The following FGF12 variants were observed in gnomAD, a reference collection of about 807,000 sequenced individuals.
FGF12 encodes fibroblast growth factor 12.
A neutral mutation model predicts 23.6 loss-of-function variants in FGF12; 14 were observed. The ratio of observed to expected loss-of-function variants is 0.59; its 90% CI spans 0.39 to 0.93. The LOEUF is 0.93. Ranked by LOEUF, FGF12 falls within the 40% of genes least tolerant of loss-of-function variation. The pLI is 0.00. For synonymous variants in FGF12, 62 were observed against 77.3 expected, an observed-to-expected ratio of 0.80 and a Z score of 1.04; for missense variants, 175 against 217.8, an observed-to-expected ratio of 0.80 and a Z score of 1.24.
intron 2 of FGF12, among the ~76,000 whole-genome samples, chr3:192,415,441 T>C (rs1721318274): frequency 6.6e-6 from 1 of 152,104 alleles, no homozygotes; most frequent in Non-Finnish European, 1.5e-5. Context: ...AATTAATTCA[T>C]CAATCCATCC....
chr3:192,591,799 C>T (rs755306768), intron 2 of FGF12, among the ~76,000 whole-genome samples: 4 of 151,764 alleles, frequency 2.6e-5, no homozygotes, highest in Admixed American at 1.3e-4. Context: ...AAGCCCTTCA[C>T]GTTATAGATG....
rs376003324 is a variant in FGF12 at position 192,147,594 on chromosome 3, T to A, written c.428-3467A>T. ...TCAGAGTATTCAAAGCAATTTTAAATTGATTAACTAAATTTTACAATTATA... is the reference window on the plus strand; with the variant it reads ...TCAGAGTATTCAAAGCAATTTTAAAATGATTAACTAAATTTTACAATTATA... On this transcript the variant is annotated intron_variant, in intron 5 of 5. Transcript: ENST00000445105. 1.2e-3 allele frequency among the ~76,000 whole-genome samples: 181 copies of A among 152,308 alleles called. 1 individual carries two copies. Among genetic ancestry groups the A allele is most frequent in the African/African-American group, 4.3e-3 (178 of 41,568 alleles).
intron 3 of FGF12, among the ~76,000 whole-genome samples, chr3:192,347,182 T>G (rs956692091): frequency 6.6e-6 from 1 of 152,126 alleles, no homozygotes; most frequent in African/African-American, 2.4e-5. Flanking sequence ...TGAAAACAAT[T>G]TAATATTCAA....
chr3:192,718,319 T>A (rs766027041), intron 2 of FGF12, among the ~76,000 whole-genome samples: 11 of 151,972 alleles, frequency 7.2e-5, no homozygotes, highest in Admixed American at 1.3e-4. Context: ...AGAAAAGACG[T>A]TATAAAAACA....
At position 192,354,897 on chromosome 3, in the gene FGF12, C is replaced by T. The variant is rs372765782; in HGVS notation, c.124+5531G>A. On this transcript the variant is annotated intron_variant, in intron 3 of 5. Transcript: ENST00000445105. ...ATTTTTCTTGTATTTTTAGTAGAGA[C>T]GGGTTTTCACCATGCTGGCCATAGC... 1.4e-4 allele frequency among the ~76,000 whole-genome samples: 22 copies of T among 152,180 alleles called. No homozygotes were observed. In the East Asian group the frequency reaches 3.1e-3, roughly 21 times the overall value.
intron 2 of FGF12, among the ~76,000 whole-genome samples, chr3:192,486,382 T>C (rs1228856137): frequency 6.6e-6 from 1 of 151,990 alleles, no homozygotes; most frequent in Non-Finnish European, 1.5e-5. Flanking sequence ...GACCAGTTGG[T>C]ATTAAATAAT....
At chr3:192,240,716 T>C (rs1719572622) in intron 4 of FGF12, among the ~76,000 whole-genome samples, 1 of 152,216 alleles carries the variant, frequency 6.6e-6, no homozygotes, top group Non-Finnish European at 1.5e-5. Context: ...AATATCTTGG[T>C]CTGATATTTT....
intron 2 of FGF12, among the ~76,000 whole-genome samples, chr3:192,687,254 T>G (rs1198866870): frequency 6.8e-6 from 1 of 147,952 alleles, no homozygotes; most frequent in Admixed American, 6.7e-5. Flanking sequence ...GGAAGCAGGG[T>G]GGAGACAGTC....
intron 2 of FGF12, among the ~76,000 whole-genome samples, chr3:192,582,955 T>C (rs760262171): frequency 5.3e-5 from 8 of 152,164 alleles, no homozygotes; most frequent in Admixed American, 1.3e-4. Context: ...GCTCATTTTG[T>C]TCCTCCTTCC....
chr3:192,666,983 C>G (rs748071570), intron 2 of FGF12, among the ~76,000 whole-genome samples: 15 of 151,944 alleles, frequency 9.9e-5, no homozygotes, highest in Non-Finnish European at 1.6e-4. Flanking sequence ...ATAATATAAT[C>G]TTCACCCAAA....
intron 2 of FGF12, among the ~76,000 whole-genome samples, chr3:192,691,438 G>A (rs538541006): frequency 6.6e-6 from 1 of 151,900 alleles, no homozygotes; most frequent in Admixed American, 6.6e-5. Context: ...CTAAACAACC[G>A]ATGAGTCAAA....
intron 2 of FGF12, among the ~76,000 whole-genome samples, chr3:192,538,619 G>A (rs1725291477): frequency 1.3e-5 from 2 of 151,972 alleles, no homozygotes; most frequent in South Asian, 4.2e-4. Flanking sequence ...TTTTTCCTGG[G>A]TCTTTTGCAG....
intron 2 of FGF12, among the ~76,000 whole-genome samples, chr3:192,378,090 C>CTTTCTTTCTT: frequency 9.0e-6 from 1 of 110,812 alleles, no homozygotes; most frequent in Non-Finnish European, 1.7e-5. Context: ...TTCTTTCTTT[C>CTTTCTTTCTT]TTTCTTCTTT....
chr3:192,384,651 TATACAC>T (rs1277510483), intron 2 of FGF12, among the ~76,000 whole-genome samples: 1 of 152,184 alleles, frequency 6.6e-6, no homozygotes, highest in African/African-American at 2.4e-5. Flanking sequence ...AAAAAATACT[TATACAC>T]ATACACACGC....
At position 192,689,248 on chromosome 3, in the gene FGF12, A is replaced by T. The variant is rs189242155; in HGVS notation, c.13+37933T>A. On this transcript the variant is annotated intron_variant, in intron 2 of 5. Transcript: ENST00000445105. ...GGAAGGGAGAATTTGAAATGTTCCCAACACATAGAAATGATAAATACTTAA... is the reference window on the plus strand; with the variant it reads ...GGAAGGGAGAATTTGAAATGTTCCCTACACATAGAAATGATAAATACTTAA... 3.3e-5 allele frequency among the ~76,000 whole-genome samples: 5 copies of T among 152,292 alleles called. No individual in the cohort carries two copies. The East Asian group carries it at 9.6e-4, about 29-fold the overall frequency.
intron 2 of FGF12, among the ~76,000 whole-genome samples, chr3:192,657,442 A>G (rs1716473058): frequency 6.6e-6 from 1 of 151,820 alleles, no homozygotes. Context: ...ACAGAGAACT[A>G]TTAGAACTGT....
At chr3:192,655,330 C>G (rs956540112) in intron 2 of FGF12, among the ~76,000 whole-genome samples, 3 of 152,184 alleles carry the variant, frequency 2.0e-5, no homozygotes, top group African/African-American at 7.2e-5. Flanking sequence ...AAGCAGAAAG[C>G]ATTCCATTGA....
intron 4 of FGF12, among the ~76,000 whole-genome samples, chr3:192,263,448 G>A (rs1712883649): frequency 6.6e-6 from 1 of 151,344 alleles, no homozygotes. Context: ...GTTTATACAT[G>A]CATTACAATT....
chr3:192,310,567 T>C (rs1209389374), intron 4 of FGF12, among the ~76,000 whole-genome samples: 1 of 152,214 alleles, frequency 6.6e-6, no homozygotes, highest in Non-Finnish European at 1.5e-5. Context: ...TATCTGGTTT[T>C]CATTAAATAG....
Sources: gnomAD v4.1 joint callset for allele counts (sites outside exome capture counted in the v4.1 genomes callset) on GRCh38, gnomAD v4.1.1 for gene constraint, MANE v1.5 for transcripts, NCBI Gene and HGNC (gene_info 2026-07-23, HGNC 2026-07-21) for gene names.